Variants in SGMS1 observed in about 807,000 individuals in gnomAD.
SGMS1 encodes sphingomyelin synthase 1.
SGMS1 carries 13 observed loss-of-function variants against 46.2 expected under a neutral mutation model. The ratio of observed to expected loss-of-function variants is 0.28; its 90% CI spans 0.18 to 0.45. The LOEUF is 0.45. SGMS1 is among the 20% of genes least tolerant of loss of function. The pLI is 1.00. For synonymous variants in SGMS1, 203 were observed against 187.8 expected (o/e 1.08, Z -0.66); for missense variants, 324 against 519.9 (o/e 0.62, Z 3.66).
intron 6 of SGMS1, among the ~76,000 whole-genome samples, chr10:50,399,990 C>T (rs906272223): frequency 1.3e-5 from 2 of 149,574 alleles, no homozygotes; most frequent in Non-Finnish European, 3.0e-5. Flanking sequence ...GATCGCGCCA[C>T]TGCACTCCAG....
chr10:50,385,250 G>T (rs1478071565), intron 6 of SGMS1, among the ~76,000 whole-genome samples: 1 of 152,172 alleles, frequency 6.6e-6, no homozygotes, highest in Non-Finnish European at 1.5e-5. Flanking sequence ...CATTGTTTAA[G>T]TTAGTAACCT....
At chr10:50,513,350 G>A (rs947751682) in intron 3 of SGMS1, among the ~76,000 whole-genome samples, 4 of 152,156 alleles carry the variant, frequency 2.6e-5, no homozygotes, top group Non-Finnish European at 5.9e-5. Context: ...CCAGACACTG[G>A]TGCAGCCCTC....
At chr10:50,364,170 T>C (rs958558870) in intron 6 of SGMS1, among the ~76,000 whole-genome samples, 2 of 151,194 alleles carry the variant, frequency 1.3e-5, no homozygotes, top group East Asian at 3.9e-4. Flanking sequence ...AAAAAAGCAA[T>C]CTAGAAGCCC....
intron 3 of SGMS1, among the ~76,000 whole-genome samples, chr10:50,476,255 C>T (rs918391371): frequency 5.2e-5 from 7 of 133,898 alleles, no homozygotes; most frequent in African/African-American, 2.0e-4. Context: ...GTCTGGGCAA[C>T]AGAGCAAGAC....
chr10:50,354,917 G>C (rs1848112072), intron 6 of SGMS1, among the ~76,000 whole-genome samples: 1 of 152,154 alleles, frequency 6.6e-6, no homozygotes, highest in Non-Finnish European at 1.5e-5. Context: ...AGTTAGAATG[G>C]AGATCATTAA....
At chr10:50,310,343 G>T (rs1847234568) in intron 9 of SGMS1, among the ~76,000 whole-genome samples, 1 of 152,152 alleles carries the variant, frequency 6.6e-6, no homozygotes, top group African/African-American at 2.4e-5. Context: ...CTAACAATGT[G>T]ATATTGAGCA....
At chr10:50,613,574 C>T (rs759428882) in intron 1 of SGMS1, among the ~76,000 whole-genome samples, 2 of 152,174 alleles carry the variant, frequency 1.3e-5, no homozygotes, top group Non-Finnish European at 2.9e-5. Context: ...CTCTGCCCTG[C>T]CACATTCCCT....
intron 6 of SGMS1, among the ~76,000 whole-genome samples, chr10:50,384,086 T>A (rs1014212507): frequency 5.3e-5 from 8 of 152,132 alleles, no homozygotes; most frequent in African/African-American, 1.7e-4. Context: ...AGCACCTGGA[T>A]CATGGACTTT....
intron 3 of SGMS1, among the ~76,000 whole-genome samples, chr10:50,509,281 C>T (rs1837733857): frequency 6.6e-6 from 1 of 152,140 alleles, no homozygotes. Flanking sequence ...TCAAGAAACA[C>T]AGTTTAAGAG....
At chr10:50,314,216 T>C (rs971649100) in intron 8 of SGMS1, among the ~76,000 whole-genome samples, 1 of 152,030 alleles carries the variant, frequency 6.6e-6, no homozygotes, top group Admixed American at 6.6e-5. Flanking sequence ...TTTTCCCATG[T>C]TGAATTAGCA....
intron 3 of SGMS1, among the ~76,000 whole-genome samples, chr10:50,468,599 C>A (rs1157786091): frequency 6.6e-6 from 1 of 152,110 alleles, no homozygotes; most frequent in Non-Finnish European, 1.5e-5. Flanking sequence ...AGAACAGTGT[C>A]CCTCAGAGAT....
intron 4 of SGMS1, among the ~76,000 whole-genome samples, chr10:50,465,054 C>T (rs1288405302): frequency 1.3e-5 from 2 of 152,146 alleles, no homozygotes; most frequent in African/African-American, 4.8e-5. Flanking sequence ...CCTCCTCACT[C>T]CTCTGTGGTG....
chr10:50,369,217 G>A (rs1207862095), intron 6 of SGMS1, among the ~76,000 whole-genome samples: 3 of 152,202 alleles, frequency 2.0e-5, no homozygotes, highest in East Asian at 3.8e-4. Context: ...AAGATTACAG[G>A]TCAGGTGCAG....
chr10:50,347,918 T>G (rs1847940349), intron 6 of SGMS1, among the ~76,000 whole-genome samples: 1 of 152,228 alleles, frequency 6.6e-6, no homozygotes, highest in Non-Finnish European at 1.5e-5. Context: ...CACGCAGGTT[T>G]GTTACTTAGG....
chr10:50,449,820 C>CTATCAT (rs762623327), intron 5 of SGMS1, among the ~76,000 whole-genome samples: 12,206 of 151,614 alleles, frequency 0.081, 1,193 homozygotes, highest in East Asian at 0.38. Context: ...CTTTCTCCCA[C>CTATCAT]TAGACTATTA....
At chr10:50,601,965 C>A (rs1838653648) in intron 1 of SGMS1, among the ~76,000 whole-genome samples, 1 of 152,204 alleles carries the variant, frequency 6.6e-6, no homozygotes, top group Non-Finnish European at 1.5e-5. Context: ...TGCAACCCAT[C>A]ACATGAGGTC....
chr10:50,565,688 C>T (rs768357932), intron 2 of SGMS1, among the ~76,000 whole-genome samples: 1 of 152,188 alleles, frequency 6.6e-6, no homozygotes, highest in Non-Finnish European at 1.5e-5. Context: ...GCGTCAGATG[C>T]CTCCATCTTC....
chr10:50,584,703 A>G (rs1430097100), intron 2 of SGMS1, among the ~76,000 whole-genome samples: 1 of 152,180 alleles, frequency 6.6e-6, no homozygotes. Context: ...AAAGGTGACA[A>G]ATAGCATCCC....
chr10:50,565,730 G>A (rs1838282570), intron 2 of SGMS1, among the ~76,000 whole-genome samples: 1 of 152,180 alleles, frequency 6.6e-6, no homozygotes, highest in Non-Finnish European at 1.5e-5. Context: ...ATAGTGTCCA[G>A]GGTCTGAGTT....
Sources: allele counts gnomAD v4.1 joint callset (sites outside exome capture counted in the v4.1 genomes callset), GRCh38; gene constraint gnomAD v4.1.1; transcripts MANE v1.5; gene names NCBI Gene and HGNC (gene_info 2026-07-23, HGNC 2026-07-21).